The following ZNF532 variants were observed in gnomAD, a reference collection of about 807,000 sequenced individuals.
The protein encoded by ZNF532 is zinc finger protein 532.
ZNF532 carries 22 observed loss-of-function variants against 89.3 expected under a neutral mutation model. The observed-to-expected ratio is 0.25, with a 90% CI of 0.18 to 0.35. ZNF532 has a LOEUF of 0.35. ZNF532 is among the 10% of genes least tolerant of loss of function. The pLI is 1.00. For synonymous variants in ZNF532, 606 were observed against 649.6 expected (o/e 0.93, Z 1.02); for missense variants, 1,132 against 1,643.4 (o/e 0.69, Z 5.38).
At chr18:58,912,023 G>A (rs2060312870) in intron 2 of ZNF532, among the ~76,000 whole-genome samples, 1 of 152,134 alleles carries the variant, frequency 6.6e-6, no homozygotes, top group African/African-American at 2.4e-5. Flanking sequence ...GCGAGGTGGG[G>A]AATGGATGGG....
At chr18:58,981,349 A>G in intron 8 of ZNF532, 121 bp from the exon 9 acceptor site, 2 of 1,310,642 alleles carry the variant, frequency 1.5e-6, no homozygotes, top group South Asian at 2.9e-5. Flanking sequence ...CATGGTGTGA[A>G]CTCAGCTTAT....
At chr18:58,981,319 T>C (rs534229556) in intron 8 of ZNF532, 151 bp from the exon 9 acceptor site, 174 of 951,018 alleles carry the variant, frequency 1.8e-4, no homozygotes, top group Non-Finnish European at 2.4e-4. Context: ...CCTAGCAAAA[T>C]TGCTGATTGC....
At chr18:58,977,352 A>C (rs887141981) in intron 7 of ZNF532, 1 of 152,154 alleles carries the variant, frequency 6.6e-6, no homozygotes, top group Non-Finnish European at 1.5e-5. Context: ...GGAGGCAGGC[A>C]CTGTTGCAAG....
chr18:58,908,418 C>A (rs2060074957), intron 2 of ZNF532, among the ~76,000 whole-genome samples: 1 of 149,446 alleles, frequency 6.7e-6, no homozygotes, highest in Non-Finnish European at 1.5e-5. Context: ...GAGTGTAGAT[C>A]GGTAAGTTGT....
chr18:58,903,571 C>T (rs898769895), intron 2 of ZNF532, among the ~76,000 whole-genome samples: 7 of 151,320 alleles, frequency 4.6e-5, no homozygotes, highest in East Asian at 1.9e-4. Context: ...AGAATGAGGG[C>T]GCATCTGCAA....
chr18:58,934,963 G>T (rs939277376), intron 4 of ZNF532, among the ~76,000 whole-genome samples: 1 of 152,002 alleles, frequency 6.6e-6, no homozygotes, highest in Non-Finnish European at 1.5e-5. Flanking sequence ...TATACATTCC[G>T]CACCTCTTAA....
At chr18:58,942,221 A>T (rs1388423959) in intron 5 of ZNF532, among the ~76,000 whole-genome samples, 1 of 150,298 alleles carries the variant, frequency 6.7e-6, no homozygotes, top group African/African-American at 2.5e-5. Flanking sequence ...ATGGGGTTTC[A>T]CCGTGTTAGC....
At chr18:58,921,833 C>T (rs2061109668) in intron 3 of ZNF532, among the ~76,000 whole-genome samples, 1 of 152,168 alleles carries the variant, frequency 6.6e-6, no homozygotes, top group Non-Finnish European at 1.5e-5. Flanking sequence ...TCACTGGGCA[C>T]AGTGGCTTAT....
intron 2 of ZNF532, among the ~76,000 whole-genome samples, chr18:58,910,668 T>G (rs1407312214): frequency 6.6e-6 from 1 of 150,802 alleles, no homozygotes; most frequent in African/African-American, 2.4e-5. Flanking sequence ...AGAGAGGGGG[T>G]TTCATCATGT....
At chr18:58,978,902 T>C (rs945430926) in intron 7 of ZNF532, among the ~76,000 whole-genome samples, 153 bp from the exon 8 acceptor site, 2 of 152,242 alleles carry the variant, frequency 1.3e-5, no homozygotes, top group Admixed American at 6.5e-5. Context: ...AGGTCAGATA[T>C]GACATTTTCC....
At chr18:58,981,406 G>T in intron 8 of ZNF532, 64 bp from the exon 9 acceptor site, 1 of 1,573,030 alleles carries the variant, frequency 6.4e-7, no homozygotes, top group Non-Finnish European at 8.6e-7. Context: ...CTTCGACCGT[G>T]AGTTCTTCCA....
chr18:58,942,727 G>C (rs1306037788), intron 5 of ZNF532, among the ~76,000 whole-genome samples: 1 of 152,104 alleles, frequency 6.6e-6, no homozygotes, highest in Non-Finnish European at 1.5e-5. Context: ...TGACCCAAAG[G>C]TTTCTTTTGG....
At chr18:58,900,647 C>G (rs966825952) in intron 2 of ZNF532, among the ~76,000 whole-genome samples, 3 of 152,174 alleles carry the variant, frequency 2.0e-5, no homozygotes, top group African/African-American at 7.2e-5. Context: ...CCTCCTCTTC[C>G]CCAAACTTTG....
At chr18:58,967,545 C>G (rs765167316) in intron 7 of ZNF532, among the ~76,000 whole-genome samples, 45 of 152,340 alleles carry the variant, frequency 3.0e-4, no homozygotes, top group Non-Finnish European at 5.7e-4. Context: ...CCCTGCCCCC[C>G]CGTGCACCCT....
intron 2 of ZNF532, among the ~76,000 whole-genome samples, chr18:58,889,301 C>G (rs1348714921): frequency 6.6e-5 from 10 of 152,110 alleles, no homozygotes; most frequent in Admixed American, 5.9e-4. Context: ...CTTCCTGTTT[C>G]CAGGTAACTG....
At chr18:58,914,218 A>G (rs189525582) in intron 2 of ZNF532, among the ~76,000 whole-genome samples, 1 of 152,354 alleles carries the variant, frequency 6.6e-6, no homozygotes, top group Admixed American at 6.5e-5. Context: ...GTGTCATACG[A>G]GAAAATAAAG....
At chr18:58,894,792 T>A (rs1278146006) in intron 2 of ZNF532, among the ~76,000 whole-genome samples, 1 of 152,230 alleles carries the variant, frequency 6.6e-6, no homozygotes, top group Non-Finnish European at 1.5e-5. Context: ...GCATATTTTC[T>A]AGGTTAATGT....
intron 4 of ZNF532, among the ~76,000 whole-genome samples, 189 bp from the exon 5 acceptor site, chr18:58,939,246 CAAAAAAAAAA>C (rs71336307): frequency 1.5e-3 from 53 of 34,510 alleles, no homozygotes; most frequent in Admixed American, 7.8e-3. Context: ...GACGTTGTCT[CAAAAAAAAAA>C]AAAAAAAAAA....
chr18:58,960,825 T>G (rs968175368), intron 7 of ZNF532, among the ~76,000 whole-genome samples: 1 of 152,118 alleles, frequency 6.6e-6, no homozygotes, highest in Non-Finnish European at 1.5e-5. Context: ...AGTCTTTCTA[T>G]CAATGACTTA....
Sources: allele counts gnomAD v4.1 joint callset (sites outside exome capture counted in the v4.1 genomes callset), GRCh38; gene constraint gnomAD v4.1.1; transcripts MANE v1.5; gene names NCBI Gene and HGNC (gene_info 2026-07-23, HGNC 2026-07-21).